The following CA10 variants were observed in gnomAD, a reference collection of about 807,000 sequenced individuals.
The protein encoded by CA10 is carbonic anhydrase-related protein 10.
Under a neutral mutation model 44.2 loss-of-function variants are expected in CA10, and 14 were observed. That is an observed-to-expected ratio of 0.32 (90% confidence interval 0.21 to 0.50). The LOEUF (loss-of-function observed/expected upper bound fraction) is 0.50, where lower values mean the gene tolerates loss of function less well. Among genes scored for constraint, CA10 ranks in the 20% least tolerant of loss-of-function variants. The probability of loss-of-function intolerance (pLI) is 0.99; values close to 1 mark genes in which losing one functional copy is unlikely to be tolerated. For synonymous variants in CA10, 159 were observed against 141.6 expected (o/e 1.12, Z -0.87); for missense variants, 350 against 409.7 (o/e 0.85, Z 1.26).
At chr17:51,891,980 G>A (rs1040100311) in intron 3 of CA10, among the ~76,000 whole-genome samples, 2 of 152,308 alleles carry the variant, frequency 1.3e-5, no homozygotes, top group African/African-American at 2.4e-5. Context: ...TGAGTCTTTG[G>A]CAAAGAAAGC....
intron 3 of CA10, among the ~76,000 whole-genome samples, chr17:51,756,472 GTTT>G (rs11452726): frequency 6.0e-5 from 8 of 132,272 alleles, no homozygotes; most frequent in Admixed American, 1.6e-4. Flanking sequence ...TGAGGTAGTT[GTTT>G]TTTTTTTTTT....
chr17:52,085,839 A>T (rs1292970521), intron 1 of CA10, among the ~76,000 whole-genome samples: 1 of 152,182 alleles, frequency 6.6e-6, no homozygotes, highest in Non-Finnish European at 1.5e-5. Flanking sequence ...CCATGTGTTC[A>T]CACTATTTAC....
intron 3 of CA10, among the ~76,000 whole-genome samples, chr17:51,858,864 C>T (rs985418047): frequency 6.6e-6 from 1 of 151,914 alleles, no homozygotes; most frequent in African/African-American, 2.4e-5. Flanking sequence ...GTGCTAGAGT[C>T]AGAGGGACTA....
intron 3 of CA10, among the ~76,000 whole-genome samples, chr17:51,890,148 A>T (rs949014866): frequency 3.3e-5 from 5 of 152,200 alleles, no homozygotes; most frequent in Non-Finnish European, 7.4e-5. Context: ...AACTTCACAG[A>T]ATAGAACAGT....
At position 52,012,841 on chromosome 17, in the gene CA10, C is replaced by T. The variant is rs184756066; in HGVS notation, c.136+59478G>A. ...GTGTTAATTATAAAAAAAAAAATGT[C>T]CTATTTTAAAGTTAGGTGGCTGTTA... is the stretch of plus-strand genomic sequence containing the variant. On this transcript the variant is annotated intron_variant, in intron 2 of 8. Transcript: ENST00000451037. Among the ~76,000 whole-genome samples the T allele has an allele frequency of 5.3e-3, 811 of 151,920 alleles. 7 individuals are homozygous for T. The highest frequency in any genetic ancestry group is 0.01 in the Middle Eastern group (3 of 294).
intron 4 of CA10, among the ~76,000 whole-genome samples, chr17:51,681,248 C>T (rs577046727): frequency 3.9e-5 from 6 of 152,264 alleles, no homozygotes; most frequent in Admixed American, 1.3e-4. Context: ...TGAGATAATC[C>T]GTGGGGCAGG....
intron 2 of CA10, among the ~76,000 whole-genome samples, chr17:52,067,243 TG>T (rs1247573144): frequency 2.6e-5 from 4 of 152,248 alleles, no homozygotes; most frequent in Admixed American, 6.5e-5. Flanking sequence ...TCTCTGGGCT[TG>T]GTGCCCTGCA....
At chr17:51,868,762 C>T (rs964094456) in intron 3 of CA10, among the ~76,000 whole-genome samples, 1 of 152,054 alleles carries the variant, frequency 6.6e-6, no homozygotes, top group Non-Finnish European at 1.5e-5. Context: ...CTGTTGGACA[C>T]CACTCAGTGT....
At chr17:51,703,992 G>A (rs1915682419) in intron 4 of CA10, among the ~76,000 whole-genome samples, 1 of 152,164 alleles carries the variant, frequency 6.6e-6, no homozygotes, top group Non-Finnish European at 1.5e-5. Flanking sequence ...AAGAGAGGTT[G>A]CCATGACTCG....
At chr17:51,928,197 T>G (rs1293397228) in intron 3 of CA10, among the ~76,000 whole-genome samples, 1 of 152,170 alleles carries the variant, frequency 6.6e-6, no homozygotes, top group Admixed American at 6.6e-5. Flanking sequence ...CTTATGTAGA[T>G]AGCCTGAAGG....
At chr17:51,932,202 C>A (rs1429056113) in intron 2 of CA10, among the ~76,000 whole-genome samples, 1 of 152,172 alleles carries the variant, frequency 6.6e-6, no homozygotes, top group South Asian at 2.1e-4. Context: ...TGAGGGGAAG[C>A]CAATCCTGCC....
At chr17:51,651,334 G>A (rs571891920) in intron 5 of CA10, among the ~76,000 whole-genome samples, 11 of 152,314 alleles carry the variant, frequency 7.2e-5, no homozygotes, top group Admixed American at 2.0e-4. Context: ...GTTTTGAGAT[G>A]AGTGAATGGT....
chr17:51,773,473 C>A (rs1905691765), intron 3 of CA10, among the ~76,000 whole-genome samples: 1 of 152,156 alleles, frequency 6.6e-6, no homozygotes, highest in Non-Finnish European at 1.5e-5. Flanking sequence ...ACCCTCAGAG[C>A]CTGGTGGAGA....
At chr17:51,738,343 G>T (rs1363993255) in intron 4 of CA10, among the ~76,000 whole-genome samples, 1 of 152,054 alleles carries the variant, frequency 6.6e-6, no homozygotes, top group African/African-American at 2.4e-5. Flanking sequence ...ATTTAATTTA[G>T]CAATATTATC....
At chr17:51,939,984 A>G (rs1356804710) in intron 2 of CA10, among the ~76,000 whole-genome samples, 1 of 152,078 alleles carries the variant, frequency 6.6e-6, no homozygotes, top group East Asian at 1.9e-4. Flanking sequence ...CAGGTTATAT[A>G]CGTGTTTTTC....
intron 3 of CA10, among the ~76,000 whole-genome samples, chr17:51,886,603 T>A (rs141267394): frequency 1.3e-5 from 2 of 152,328 alleles, no homozygotes; most frequent in African/African-American, 4.8e-5. Flanking sequence ...TGGTTAATTT[T>A]ATGTGTCAAC....
intron 3 of CA10, among the ~76,000 whole-genome samples, chr17:51,854,459 T>G (rs1026192608): frequency 6.6e-6 from 1 of 152,202 alleles, no homozygotes; most frequent in Non-Finnish European, 1.5e-5. Context: ...ATCTCTTGAC[T>G]CTATTACTAG....
intron 3 of CA10, among the ~76,000 whole-genome samples, chr17:51,850,402 A>G (rs1978741011): frequency 1.3e-5 from 2 of 152,184 alleles, no homozygotes; most frequent in Admixed American, 6.5e-5. Flanking sequence ...ACCTAGAGGA[A>G]AGCCAGCAGC....
chr17:51,926,327 G>C (rs184615062), intron 3 of CA10, among the ~76,000 whole-genome samples: 4 of 152,224 alleles, frequency 2.6e-5, no homozygotes, highest in Admixed American at 2.6e-4. Context: ...CAGGAAAAAG[G>C]CTGTTTCTGA....
Sources: allele counts gnomAD v4.1 joint callset (sites outside exome capture counted in the v4.1 genomes callset), GRCh38; gene constraint gnomAD v4.1.1; transcripts MANE v1.5; gene names NCBI Gene and HGNC (gene_info 2026-07-23, HGNC 2026-07-21).